DYRK1A: variants seen among roughly 807,000 people sequenced by gnomAD.
DYRK1A encodes dual specificity tyrosine-phosphorylation-regulated kinase 1A.
In DYRK1A, 9 loss-of-function variants were observed where a neutral mutation model predicts 79.7. That is an observed-to-expected ratio of 0.11 (90% CI 0.07 to 0.20). The LOEUF (loss-of-function observed/expected upper bound fraction) is 0.20, where lower values mean the gene tolerates loss of function less well. DYRK1A is among the 10% of genes least tolerant of loss of function. DYRK1A has a pLI of 1.00. For synonymous variants in DYRK1A, 349 were observed against 329.7 expected (o/e 1.06, Z -0.63); for missense variants, 622 against 956.0 (o/e 0.65, Z 4.61).
At chr21:37,425,079 T>A (rs1245860346) in intron 2 of DYRK1A, among the ~76,000 whole-genome samples, 1 of 152,038 alleles carries the variant, frequency 6.6e-6, no homozygotes, top group Non-Finnish European at 1.5e-5. Context: ...TAGTTTGGAG[T>A]CTGTCTTTCT....
intron 8 of DYRK1A, among the ~76,000 whole-genome samples, chr21:37,495,201 T>G (rs936287647): frequency 7.4e-6 from 1 of 134,936 alleles, no homozygotes; most frequent in African/African-American, 2.7e-5. Context: ...TGTGTGTGTG[T>G]GGTTATTTAA....
intron 4 of DYRK1A, among the ~76,000 whole-genome samples, chr21:37,479,863 G>A (rs910328960): frequency 4.0e-5 from 6 of 151,836 alleles, no homozygotes; most frequent in East Asian, 3.9e-4. Flanking sequence ...TCCTGACCTC[G>A]TGATCCACCC....
At chr21:37,495,893 A>G (rs760110578) in intron 8 of DYRK1A, among the ~76,000 whole-genome samples, 29 of 152,178 alleles carry the variant, frequency 1.9e-4, no homozygotes, top group Non-Finnish European at 4.3e-4. Context: ...ATCCATGGCT[A>G]CCTGACATAA....
At chr21:37,372,474 G>C (rs2049452776) in intron 1 of DYRK1A, among the ~76,000 whole-genome samples, 1 of 151,172 alleles carries the variant, frequency 6.6e-6, no homozygotes, top group Non-Finnish European at 1.5e-5. Context: ...GGTTTGAACT[G>C]TGACATCTGT....
chr21:37,476,823 C>A (rs201155793), intron 3 of DYRK1A, among the ~76,000 whole-genome samples: 2 of 99,544 alleles, frequency 2.0e-5, no homozygotes, highest in Non-Finnish European at 3.8e-5. Context: ...AGGGTTCCCC[C>A]CCCCCCCAAC....
At chr21:37,511,746 A>G (rs1172848734) in intron 11 of DYRK1A, among the ~76,000 whole-genome samples, 165 bp from the exon 12 acceptor site, 2 of 152,166 alleles carry the variant, frequency 1.3e-5, no homozygotes, top group African/African-American at 4.8e-5. Context: ...CCTTGAATGT[A>G]TTTGGGATTT....
intron 1 of DYRK1A, among the ~76,000 whole-genome samples, chr21:37,407,152 G>C (rs1782867862): frequency 1.3e-5 from 2 of 152,058 alleles, no homozygotes; most frequent in African/African-American, 4.8e-5. Flanking sequence ...AAGTGTTTGG[G>C]AGTACAACTG....
upstream of DYRK1A, among the ~76,000 whole-genome samples, chr21:37,366,629 A>C (rs970875530): frequency 2.0e-5 from 3 of 151,076 alleles, no homozygotes; most frequent in Non-Finnish European, 4.4e-5. Context: ...TTGGCTGGGG[A>C]CAGAGGGGGA....
intron 2 of DYRK1A, among the ~76,000 whole-genome samples, chr21:37,432,767 A>T (rs1036766620): frequency 4.6e-5 from 7 of 152,070 alleles, no homozygotes; most frequent in Admixed American, 6.6e-5. Context: ...AAAAAAAGTT[A>T]ACAGTTATTC....
intron 1 of DYRK1A, among the ~76,000 whole-genome samples, chr21:37,396,918 C>T (rs187301303): frequency 1.3e-5 from 2 of 152,112 alleles, no homozygotes; most frequent in Admixed American, 6.5e-5. Flanking sequence ...AGGTGAGTGC[C>T]TAGGTTGGTG....
intron 1 of DYRK1A, among the ~76,000 whole-genome samples, chr21:37,406,615 T>G (rs2050150014): frequency 6.6e-6 from 1 of 151,968 alleles, no homozygotes; most frequent in Non-Finnish European, 1.5e-5. Flanking sequence ...GGCATGAGAA[T>G]TGCTTGAACC....
At chr21:37,485,749 T>TAGTA (rs10664536) in intron 5 of DYRK1A, among the ~76,000 whole-genome samples, 67,462 of 151,730 alleles carry the variant, frequency 0.44, 15,764 homozygotes, top group East Asian at 0.57. Flanking sequence ...AAATCTTTTA[T>TAGTA]AGTAGTATGA....
intron 9 of DYRK1A, among the ~76,000 whole-genome samples, chr21:37,500,326 G>T: frequency 6.6e-6 from 1 of 151,926 alleles, no homozygotes; most frequent in African/African-American, 2.4e-5. Context: ...ACCTACACTT[G>T]GCCTTGATAT....
At chr21:37,471,789 G>A (rs1217827228) in intron 2 of DYRK1A, among the ~76,000 whole-genome samples, 4 of 152,210 alleles carry the variant, frequency 2.6e-5, no homozygotes, top group Admixed American at 2.6e-4. Context: ...GGTCGGTTGT[G>A]TTGTGGCTGT....
chr21:37,376,583 G>A (rs2049546173), intron 1 of DYRK1A, among the ~76,000 whole-genome samples: 1 of 152,160 alleles, frequency 6.6e-6, no homozygotes. Flanking sequence ...GTGGCCAGAG[G>A]TTGGTAGTGT....
intron 2 of DYRK1A, among the ~76,000 whole-genome samples, chr21:37,420,661 T>C (rs974350135): frequency 6.6e-6 from 1 of 152,124 alleles, no homozygotes; most frequent in African/African-American, 2.4e-5. Context: ...AATAATTCTG[T>C]TAATGTAAAT....
chr21:37,373,661 G>C (rs2835706), intron 1 of DYRK1A, among the ~76,000 whole-genome samples: 30,193 of 152,150 alleles, frequency 0.2, 3,237 homozygotes, highest in East Asian at 0.36. Context: ...AGGATTTTGG[G>C]AAGGCACATT....
intron 1 of DYRK1A, among the ~76,000 whole-genome samples, chr21:37,407,567 G>T (rs1350477536): frequency 6.6e-6 from 1 of 152,090 alleles, no homozygotes; most frequent in Non-Finnish European, 1.5e-5. Context: ...CATAAGTAAG[G>T]CATATAACCT....
At position 37,424,987 on chromosome 21, in the gene DYRK1A, A is replaced by G. The variant is rs189040715; in HGVS notation, c.10+4603A>G. ...TCTCTTATTTTGGAACAAATGAAGTAGTATTGTATACTTGGTGGAGGAAAT... is the reference window on the plus strand; with the variant it reads ...TCTCTTATTTTGGAACAAATGAAGTGGTATTGTATACTTGGTGGAGGAAAT... On this transcript the variant is annotated intron_variant, in intron 2 of 11. Coordinates refer to ENST00000647188, the MANE Select transcript of DYRK1A (RefSeq NM_001347721.2). Among the ~76,000 whole-genome samples, 86 of 152,368 alleles carry G rather than the reference A, an allele frequency of 5.6e-4. 1 individual carries two copies. The East Asian group carries it at 0.013, about 23-fold the overall frequency.
Sources: allele counts gnomAD v4.1 joint callset (sites outside exome capture counted in the v4.1 genomes callset), GRCh38; gene constraint gnomAD v4.1.1; transcripts MANE v1.5; gene names NCBI Gene and HGNC (gene_info 2026-07-23, HGNC 2026-07-21).